The following SCUBE1 variants were observed in gnomAD, a reference collection of about 807,000 sequenced individuals.
SCUBE1 encodes the protein signal peptide, CUB and EGF-like domain-containing protein 1.
A neutral mutation model predicts 124.4 loss-of-function variants in SCUBE1; 59 were observed. The ratio of observed to expected loss-of-function variants is 0.47; its 90% confidence interval spans 0.38 to 0.59. The LOEUF is 0.59. Ranked by LOEUF, SCUBE1 falls within the 20% of genes least tolerant of loss-of-function variation. The probability of loss-of-function intolerance (pLI) is 0.00; values close to 1 mark genes in which losing one functional copy is unlikely to be tolerated. For synonymous variants in SCUBE1, 545 were observed against 550.9 expected (o/e 0.99, Z 0.15); for missense variants, 1,150 against 1,371.2 (o/e 0.84, Z 2.55).
intron 8 of SCUBE1, 44 bp downstream of exon 8, chr22:43,231,709 T>A (rs1922558643): frequency 6.5e-7 from 1 of 1,535,596 alleles, no homozygotes; most frequent in Non-Finnish European, 8.8e-7. Flanking sequence ...AGGGGCACGA[T>A]CCCGCTGGGC....
intron 3 of SCUBE1, chr22:43,316,690 C>G (rs1181518573): frequency 1.3e-5 from 2 of 152,218 alleles, no homozygotes; most frequent in African/African-American, 4.8e-5. Flanking sequence ...AACTTATCCC[C>G]AACCTTGGAG....
rs1374025830 is a variant in SCUBE1, at chr22:43,231,835, G to C, written c.885C>G (p.His295Gln). Residue 295 changes from histidine to glutamine, a missense_variant, in exon 8 of 22, where the codon CAC (histidine) becomes CAG (glutamine). By Grantham distance (24) the His-to-Gln change is conservative. Around this residue, in one of 3 missense-constraint regions of SCUBE1, gnomAD observed 337 missense variants for 482.1 expected, o/e 0.70. Transcript: ENST00000360835. ...AGCTGCCCACGGTGTTGCGGCAGAAGTGGTCGCAGCCTCCGTTGTTGACCA... is the reference window on the plus strand; with the variant it reads ...AGCTGCCCACGGTGTTGCGGCAGAACTGGTCGCAGCCTCCGTTGTTGACCA... Reference protein sequence around the residue: ...ECLVNNGGCDHFCRNTVGSFE... With the variant: ...ECLVNNGGCDQFCRNTVGSFE... The C allele has an allele frequency of 6.2e-6, 10 of 1,613,428 alleles. No homozygotes were observed. The highest frequency in any genetic ancestry group is 8.5e-6 in the Non-Finnish European group (10 of 1,179,918).
chr22:43,331,732 A>G (rs771832986), intron 2 of SCUBE1, among the ~76,000 whole-genome samples: 6 of 152,282 alleles, frequency 3.9e-5, no homozygotes, highest in Admixed American at 2.0e-4. Flanking sequence ...AGGGGGTGAA[A>G]TGCCCCTTCC....
chr22:43,258,158 A>T lies in SCUBE1; in HGVS notation c.727+61T>A. On this transcript the variant is annotated intron_variant, in intron 6 of 21. Coordinates refer to ENST00000360835, the MANE Select transcript of SCUBE1 (RefSeq NM_173050.5). The surrounding 1 kb of genome is among the most constrained non-coding windows in gnomAD (Gnocchi z 5.0). ...GGCAGGGTGCTGGCCCTGCTGGTGC[A>T]CGCATGGGGGGTCGGGGGCGGGGGG... 2 of 928,522 alleles carry T rather than the reference A, an allele frequency of 2.2e-6. No homozygotes were observed. The highest frequency in any genetic ancestry group is 3.2e-6 in the Non-Finnish European group (2 of 620,456). The allele number at this position is 928,522 out of a possible 1,614,324, so 57.5% of individuals were successfully genotyped here.
At chr22:43,232,694 C>T (rs1213634917) in intron 7 of SCUBE1, among the ~76,000 whole-genome samples, 1 of 152,210 alleles carries the variant, frequency 6.6e-6, no homozygotes, top group African/African-American at 2.4e-5. Context: ...GCAACTCTGC[C>T]AGTCAGCCTC....
Position 43,258,295 on chromosome 22 carries a change from AC to A in SCUBE1, c.650del (p.Cys217LeufsTer152). ...NYGNGGCQHS[C>X]EDTDTGPTCG... ...ACGTGGGGCCTGTGTCTGTGTCCTC[AC>A]AGCTGTGCTGGCAGCCTCCGTTTCC... On this transcript the variant is annotated frameshift_variant, in exon 6 of 22. Coordinates refer to ENST00000360835, the MANE Select transcript of SCUBE1 (RefSeq NM_173050.5). LOFTEE classifies it high-confidence loss of function. The surrounding 1 kb of genome is among the most constrained non-coding windows in gnomAD (Gnocchi z 5.0). 6.2e-7 allele frequency: 1 copy of A among 1,614,106 alleles called. No homozygotes were observed. Among genetic ancestry groups the A allele is most frequent in the Non-Finnish European group, 8.5e-7 (1 of 1,179,976 alleles).
chr22:43,335,718 T>C (rs181857126), intron 2 of SCUBE1, among the ~76,000 whole-genome samples: 39 of 151,358 alleles, frequency 2.6e-4, no homozygotes, highest in Admixed American at 7.3e-4. Context: ...CTGAAACTAC[T>C]TTGACAGCTA....
intron 12 of SCUBE1, among the ~76,000 whole-genome samples, chr22:43,221,772 T>C (rs1396857621): frequency 1.3e-5 from 2 of 152,248 alleles, no homozygotes; most frequent in South Asian, 2.1e-4. Flanking sequence ...GCATTAAATA[T>C]ATAGAAATGG....
chr22:43,281,761 A>C (rs1924921529), intron 4 of SCUBE1, among the ~76,000 whole-genome samples: 1 of 152,140 alleles, frequency 6.6e-6, no homozygotes, highest in Non-Finnish European at 1.5e-5. Flanking sequence ...TCACCTGTAC[A>C]ACTGAGGCAA....
In SCUBE1 at chr22:43,257,552, C is replaced by T. The variant is rs182872190; in HGVS notation, c.727+667G>A. On this transcript the variant is annotated intron_variant, in intron 6 of 21. Coordinates refer to ENST00000360835, the MANE Select transcript of SCUBE1 (RefSeq NM_173050.5). ...GACGGAGACTCAGATCAAGACTCCA[C>T]GTGACAGGTGAGAGACGGGCTGGGG... 4.6e-5 allele frequency among the ~76,000 whole-genome samples: 7 copies of T among 152,310 alleles called. No individual in the cohort carries two copies. In the South Asian group the frequency reaches 1.0e-3, roughly 23 times the overall value.
In SCUBE1 at chr22:43,285,212, A is replaced by G. The variant is rs1459333508; in HGVS notation, c.484+5834T>C. 3.9e-5 allele frequency among the ~76,000 whole-genome samples: 6 copies of G among 152,032 alleles called. No individual in the cohort carries two copies. The East Asian group carries it at 1.2e-3, about 29-fold the overall frequency. On this transcript the variant is annotated intron_variant, in intron 4 of 21. Transcript: ENST00000360835. ...CTGGCCCCCTGCCTGGCCCAACCAC[A>G]TGGTCCACCAGCCCACACTGACCAA... is the stretch of plus-strand genomic sequence containing the variant.
chr22:43,205,113 G>A (rs937883910), intron 21 of SCUBE1, among the ~76,000 whole-genome samples: 5 of 152,128 alleles, frequency 3.3e-5, no homozygotes, highest in African/African-American at 1.2e-4. Context: ...CGGGAACATC[G>A]CTTTGCTGCT....
chr22:43,258,163 TG>T lies in SCUBE1; in HGVS notation c.727+55del. 4.3e-6 allele frequency: 4 copies of T among 927,510 alleles called. No individual in the cohort carries two copies. Among genetic ancestry groups the T allele is most frequent in the Non-Finnish European group, 6.4e-6 (4 of 628,082 alleles). 57.5% of individuals were successfully genotyped at this position (927,510 alleles called of 1,614,324 possible). On this transcript the variant is annotated intron_variant, in intron 6 of 21. Coordinates refer to ENST00000360835, the MANE Select transcript of SCUBE1 (RefSeq NM_173050.5). The surrounding 1 kb of genome is among the most constrained non-coding windows in gnomAD (Gnocchi z 5.0). ...GGTGCTGGCCCTGCTGGTGCACGCA[TG>T]GGGGGTCGGGGGCGGGGGGCGCAAG...
intron 4 of SCUBE1, among the ~76,000 whole-genome samples, chr22:43,280,419 C>CCCGTCCCTTCCCCTCACCCATCCTG (rs1924729995): frequency 8.8e-6 from 1 of 113,674 alleles, no homozygotes; most frequent in African/African-American, 4.3e-5. Flanking sequence ...CACCCATCCT[C>CCCGTCCCTTCCCCTCACCCATCCTG]CTGTCCCTTC....
At chr22:43,296,796 G>A (rs1925579397) in intron 3 of SCUBE1, among the ~76,000 whole-genome samples, 1 of 152,252 alleles carries the variant, frequency 6.6e-6, no homozygotes, top group Non-Finnish European at 1.5e-5. Context: ...AGGGAGCTGG[G>A]AGGAAGAGAA....
At chr22:43,302,832 T>C (rs1167306260) in intron 3 of SCUBE1, among the ~76,000 whole-genome samples, 1 of 152,142 alleles carries the variant, frequency 6.6e-6, no homozygotes, top group African/African-American at 2.4e-5. Flanking sequence ...AGCGAGAAGC[T>C]GTAAGGAAAG....
At chr22:43,268,597 G>C (rs1370951897) in intron 4 of SCUBE1, among the ~76,000 whole-genome samples, 4 of 152,256 alleles carry the variant, frequency 2.6e-5, no homozygotes, top group African/African-American at 9.6e-5. Flanking sequence ...TCCACATTCA[G>C]GCTGCCACTT....
chr22:43,217,981 C>T (rs1235797558), intron 15 of SCUBE1, among the ~76,000 whole-genome samples: 1 of 152,196 alleles, frequency 6.6e-6, no homozygotes, highest in Non-Finnish European at 1.5e-5. Context: ...GGTTCCCGTG[C>T]CCCCTCGCGC....
chr22:43,320,766 G>A (rs1475869466), intron 2 of SCUBE1, among the ~76,000 whole-genome samples: 1 of 152,208 alleles, frequency 6.6e-6, no homozygotes, highest in Non-Finnish European at 1.5e-5. Context: ...TTTTGCAAGA[G>A]CACTGAAGAA....
Sources: gnomAD v4.1 joint callset for allele counts (sites outside exome capture counted in the v4.1 genomes callset) on GRCh38, gnomAD v4.1.1 for gene constraint, gnomAD v4.1.1 regional missense constraint, Gnocchi (gnomAD v3.1) non-coding constraint, MANE v1.5 for transcripts, NCBI Gene and HGNC (gene_info 2026-07-23, HGNC 2026-07-21) for gene names.